The following KATNIP variants were observed in gnomAD, a reference collection of about 807,000 sequenced individuals.
The protein encoded by KATNIP is katanin interacting protein, also known as katanin-interacting protein.
Under a neutral mutation model 174.0 loss-of-function variants are expected in KATNIP, and 126 were observed. That is an observed-to-expected ratio of 0.72 (90% CI 0.63 to 0.84). The LOEUF is 0.84. Among genes scored for constraint, KATNIP ranks in the 40% least tolerant of loss-of-function variants. The pLI, the probability that KATNIP is intolerant of heterozygous loss-of-function variation, is 0.00. For missense variants in KATNIP, 1,958 were observed against 2,109.7 expected, an observed-to-expected ratio of 0.93 and a Z score of 1.41; for synonymous variants, 810 against 835.7, an observed-to-expected ratio of 0.97 and a Z score of 0.53.
chr16:27,635,231 G>C (rs1322442346), intron 5 of KATNIP, among the ~76,000 whole-genome samples: 1 of 152,240 alleles, frequency 6.6e-6, no homozygotes, highest in Non-Finnish European at 1.5e-5. Flanking sequence ...TTACAAGGAA[G>C]TGGGTCAAAG....
chr16:27,769,680 C>T (rs2082233048), intron 20 of KATNIP, among the ~76,000 whole-genome samples, 181 bp from the exon 21 acceptor site: 1 of 152,248 alleles, frequency 6.6e-6, no homozygotes, highest in African/African-American at 2.4e-5. Flanking sequence ...CCTGTCTTGT[C>T]CTCTGCTACC....
rs765910684 is a variant in KATNIP, at chr16:27,560,283, GA to G, written c.7+10128del. On this transcript the variant is annotated intron_variant, in intron 1 of 27. Transcript: ENST00000261588. ...GGCTATAGAGTGAGACTCTGTCTCA[GA>G]AAAAAAAAAAAAAAAAAAAAAGGTA... 5.4e-3 allele frequency among the ~76,000 whole-genome samples: 243 copies of G among 44,978 alleles called. 1 individual carries two copies. Among genetic ancestry groups the G allele is most frequent in the Middle Eastern group, 0.017 (1 of 60 alleles). The allele number at this position is 44,978 out of a possible 152,430, so 29.5% of individuals were successfully genotyped here. A position where few individuals can be genotyped will look rare whatever the true frequency, so the allele number is the denominator to read the frequency against.
In KATNIP at chr16:27,628,540, G is replaced by A. The variant is rs918252435; in HGVS notation, c.141-121G>A. 19 of 1,065,076 alleles carry A rather than the reference G, an allele frequency of 1.8e-5. No individual in the cohort carries two copies. In the East Asian group the frequency reaches 3.4e-4, roughly 19 times the overall value. The allele number at this position is 1,065,076 out of a possible 1,614,324, so 66.0% of individuals were successfully genotyped here. ...TTTGTAGACAAACAGCTGGGCACAC[G>A]CCCCCTGGGCTCTGATTAGAGACGC... On this transcript the variant is annotated intron_variant, in intron 3 of 27. Coordinates refer to ENST00000261588, the MANE Select transcript of KATNIP (RefSeq NM_015202.5).
Position 27,618,327 on chromosome 16 carries a change from C to T in KATNIP, c.64-98C>T, listed in dbSNP as rs562066313. On this transcript the variant is annotated intron_variant, in intron 2 of 27. Transcript: ENST00000261588. ...TTGGGCCTTCGTCAAGGTCAGCCTC[C>T]GCCTCTCAGCCTGCTGCGCCGGTGT... is the stretch of plus-strand genomic sequence containing the variant. 5.1e-4 allele frequency: 476 copies of T among 925,470 alleles called. 2 individuals carry two copies. The South Asian group carries it at 5.7e-3, about 11-fold the overall frequency. 57.3% of individuals were successfully genotyped at this position (925,470 alleles called of 1,614,324 possible). A position where few individuals can be genotyped will look rare whatever the true frequency, so the allele number is the denominator to read the frequency against.
rs2082446304 is a variant in KATNIP, at chr16:27,775,047, G to A, written c.4412G>A (p.Gly1471Asp). 6.2e-7 allele frequency: 1 copy of A among 1,613,170 alleles called. No homozygotes were observed. Among genetic ancestry groups the A allele is most frequent in the African/African-American group, 1.3e-5 (1 of 75,042 alleles). The change falls in exon 24 of 28, where the codon GGC (glycine) becomes GAC (aspartate). Residue 1471 changes from glycine to aspartate, a missense_variant. Physicochemically the swap from Gly to Asp is moderately conservative, Grantham distance 94. Transcript: ENST00000261588. ...LIDQVNDTSD[G>D]RHMWLAPILP... ...GACCAAGTGAACGACACCAGTGATG[G>A]CCGGCACATGTGGCTGGCTCCCATC... is the stretch of plus-strand genomic sequence containing the variant.
chr16:27,693,352 A>G (rs2078800299), intron 8 of KATNIP, among the ~76,000 whole-genome samples: 1 of 152,088 alleles, frequency 6.6e-6, no homozygotes, highest in Non-Finnish European at 1.5e-5. Flanking sequence ...ATGACAAGAG[A>G]CAGTACATCA....
intron 19 of KATNIP, among the ~76,000 whole-genome samples, chr16:27,762,580 C>T (rs1199644742): frequency 6.6e-6 from 1 of 152,216 alleles, no homozygotes; most frequent in Non-Finnish European, 1.5e-5. Context: ...ACTGTCTCCC[C>T]TGCCTTGGTT....
At chr16:27,734,820 A>G (rs1300283151) in intron 14 of KATNIP, among the ~76,000 whole-genome samples, 1 of 152,230 alleles carries the variant, frequency 6.6e-6, no homozygotes, top group East Asian at 1.9e-4. Flanking sequence ...CTTGACCCAC[A>G]GAAAGATGGT....
chr16:27,599,451 G>T (rs1001319046), intron 2 of KATNIP, among the ~76,000 whole-genome samples: 1 of 152,078 alleles, frequency 6.6e-6, no homozygotes. Flanking sequence ...GCATTCATGC[G>T]CCAGGCCACA....
At chr16:27,603,935 C>A (rs2075619660) in intron 2 of KATNIP, among the ~76,000 whole-genome samples, 1 of 151,698 alleles carries the variant, frequency 6.6e-6, no homozygotes, top group South Asian at 2.1e-4. Context: ...CTGGGTTTCA[C>A]AACATTGGCC....
chr16:27,559,944 G>A (rs1285550927), intron 1 of KATNIP, among the ~76,000 whole-genome samples: 1 of 152,030 alleles, frequency 6.6e-6, no homozygotes, highest in Non-Finnish European at 1.5e-5. Flanking sequence ...TCGCGCCACT[G>A]CACACCAGCC....
chr16:27,574,507 T>C lies in KATNIP; in HGVS notation c.63+551T>C, dbSNP rs558948892. On this transcript the variant is annotated intron_variant, in intron 2 of 27. Transcript: ENST00000261588. ...GCAGGAGTGGCAACTGCAGGACTTCTTGAGTCCTAGGCTTACAAGTCACAC... is the reference window on the plus strand; with the variant it reads ...GCAGGAGTGGCAACTGCAGGACTTCCTGAGTCCTAGGCTTACAAGTCACAC... 7.2e-5 allele frequency among the ~76,000 whole-genome samples: 11 copies of C among 151,936 alleles called. No individual in the cohort carries two copies. In the East Asian group the frequency reaches 2.1e-3, roughly 29 times the overall value.
At chr16:27,770,623 A>AG (rs1266842973) in intron 21 of KATNIP, among the ~76,000 whole-genome samples, 4 of 152,226 alleles carry the variant, frequency 2.6e-5, no homozygotes, top group African/African-American at 9.6e-5. Context: ...TTGAAATGGA[A>AG]GAGAACCAGG....
intron 8 of KATNIP, among the ~76,000 whole-genome samples, chr16:27,689,546 C>T (rs558322286): frequency 1.3e-5 from 2 of 152,230 alleles, no homozygotes; most frequent in Admixed American, 6.5e-5. Context: ...GAAAATCACC[C>T]GCACTCCTGG....
At chr16:27,757,224 G>A (rs906711726) in intron 18 of KATNIP, among the ~76,000 whole-genome samples, 1 of 152,154 alleles carries the variant, frequency 6.6e-6, no homozygotes, top group Non-Finnish European at 1.5e-5. Flanking sequence ...AGCTGGGACT[G>A]TAGGTGTGCC....
intron 2 of KATNIP, among the ~76,000 whole-genome samples, chr16:27,616,572 C>G (rs2142049100): frequency 6.8e-6 from 1 of 147,660 alleles, no homozygotes; most frequent in South Asian, 2.2e-4. Flanking sequence ...ACTAAAAATA[C>G]AAAAATTAGC....
intron 15 of KATNIP, among the ~76,000 whole-genome samples, chr16:27,748,998 C>T (rs1222895149): frequency 1.3e-5 from 2 of 152,124 alleles, no homozygotes; most frequent in African/African-American, 4.8e-5. Flanking sequence ...ACAAACCTTC[C>T]ACCTGCCATT....
At chr16:27,708,378 G>C (rs367714641) in intron 12 of KATNIP, 2 of 242,606 alleles carry the variant, frequency 8.2e-6, no homozygotes, top group Non-Finnish European at 8.0e-6. Flanking sequence ...TCTGGGTACC[G>C]AACACTGAGT....
At chr16:27,650,150 G>C (rs2077074746) in intron 6 of KATNIP, among the ~76,000 whole-genome samples, 1 of 147,978 alleles carries the variant, frequency 6.8e-6, no homozygotes, top group South Asian at 2.2e-4. Context: ...TCCAGCCTGG[G>C]CGACAGAGTG....
Sources: gnomAD v4.1 joint callset for allele counts (sites outside exome capture counted in the v4.1 genomes callset) on GRCh38, gnomAD v4.1.1 for gene constraint, MANE v1.5 for transcripts, NCBI Gene and HGNC (gene_info 2026-07-23, HGNC 2026-07-21) for gene names.